COL6A3: variants seen among roughly 807,000 people sequenced by gnomAD.
COL6A3 encodes the protein collagen alpha-3(VI) chain.
COL6A3 carries 137 observed loss-of-function variants against 274.1 expected under a neutral mutation model. That is an observed-to-expected ratio of 0.50 (90% CI 0.44 to 0.58). COL6A3 has a LOEUF of 0.58. Among genes scored for constraint, COL6A3 ranks in the 20% least tolerant of loss-of-function variants. The pLI is 0.00. For missense variants in COL6A3, 3,950 were observed against 4,124.9 expected, an observed-to-expected ratio of 0.96 and a Z score of 1.16; for synonymous variants, 1,650 against 1,650.6, an observed-to-expected ratio of 1.00 and a Z score of 0.01.
rs769124771 is a variant in COL6A3 at position 237,340,660 on chromosome 2, C to T, written c.8256G>A (p.Leu2752=). 10 of 1,614,136 alleles carry T rather than the reference C, an allele frequency of 6.2e-6. No homozygotes were observed. Among genetic ancestry groups the T allele is most frequent in the Non-Finnish European group, 8.5e-6 (10 of 1,180,050 alleles). Residue 2752 remains leucine, a synonymous_variant, in exon 38 of 44, where the codon CTG becomes CTA. Coordinates refer to ENST00000295550, the MANE Select transcript of COL6A3 (RefSeq NM_004369.4). ...MLTGEVPEQQ[L]EEAQRVILQA... ...GCAGGATGACTCTCTGGGCCTCCTC[C>T]AGCTGCTGCTCCGGCACCTCGCCCG... is the stretch of plus-strand genomic sequence containing the variant.
rs753312576 is a variant in COL6A3, at chr2:237,394,758, C to T, written c.538G>A (p.Ala180Thr). The change falls in exon 3 of 44, where the codon GCA (alanine) becomes ACA (threonine). Residue 180 changes from alanine to threonine, a missense_variant. By Grantham distance (58) the Ala-to-Thr change is moderately conservative (BLOSUM62 0). Around this residue, in one of 5 missense-constraint regions of COL6A3, gnomAD observed 1,934 missense variants for 1,984.3 expected, o/e 0.97. Transcript: ENST00000295550. ...VNVFAIGVED[A>T]DEGALKEIAS... ...ATTTCTTTTAACGCTCCTTCATCTGCATCCTCAACTCCAATTGCAAACACG... is the reference window on the plus strand; with the variant it reads ...ATTTCTTTTAACGCTCCTTCATCTGTATCCTCAACTCCAATTGCAAACACG... The T allele has an allele frequency of 1.2e-6, 2 of 1,614,238 alleles. No homozygotes were observed. Among genetic ancestry groups the T allele is most frequent in the South Asian group, 1.1e-5 (1 of 91,088 alleles).
rs367727208 is a variant in COL6A3, at chr2:237,354,939, G to A, written c.6592-5C>T. 1.2e-6 allele frequency: 2 copies of A among 1,613,500 alleles called. No individual in the cohort carries two copies. The highest frequency in any genetic ancestry group is 8.5e-7 in the Non-Finnish European group (1 of 1,179,790). On this transcript the variant is annotated splice_polypyrimidine_tract_variant and splice_region_variant and intron_variant, in intron 23 of 43. Transcript: ENST00000295550. ...TCCCCTTCGGCCAAAGCCACCCTGTGGAAGAAAAAGTCCCACAAACTGTGA... is the reference window on the plus strand; with the variant it reads ...TCCCCTTCGGCCAAAGCCACCCTGTAGAAGAAAAAGTCCCACAAACTGTGA...
Position 237,324,582 on chromosome 2 carries a change from C to T in COL6A3, c.*192G>A, listed in dbSNP as rs759916325. On this transcript the variant is annotated 3_prime_UTR_variant, in exon 44 of 44. Transcript: ENST00000295550. The stretch of plus-strand genomic sequence containing the variant: ...GAGAGAACTGCCTGGAGACAGAGAG[C>T]GAGGGTCCACAGACACATTAGCACC... 5.1e-5 allele frequency: 31 copies of T among 604,082 alleles called. No homozygotes were observed. Among genetic ancestry groups the T allele is most frequent in the East Asian group, 3.8e-4 (13 of 34,036 alleles). The allele number at this position is 604,082 out of a possible 1,614,324, so 37.4% of individuals were successfully genotyped here. A position where few individuals can be genotyped will look rare whatever the true frequency, so the allele number is the denominator to read the frequency against.
At position 237,394,940 on chromosome 2, in the gene COL6A3, C is replaced by T. The variant is rs763755907; in HGVS notation, c.356G>A (p.Gly119Glu). 20 of 1,614,004 alleles carry T rather than the reference C, an allele frequency of 1.2e-5. No individual in the cohort carries two copies. The highest frequency in any genetic ancestry group is 1.6e-5 in the Non-Finnish European group (19 of 1,179,946). The change falls in exon 3 of 44, where the codon GGA becomes GAA. Residue 119 changes from glycine (G) to glutamate (E), a missense_variant. By Grantham distance (98) the Gly-to-Glu change is moderately conservative (BLOSUM62 -2). Coordinates refer to ENST00000295550, the MANE Select transcript of COL6A3 (RefSeq NM_004369.4). Reference protein sequence around the residue: ...MSYIGGTNQTGKGLEYIMQSH... With the variant: ...MSYIGGTNQTEKGLEYIMQSH... ...TTGCATTATGTATTCTAATCCTTTT[C>T]CAGTCTGATTGGTTCCCCCAATATA...
chr2:237,343,228 G>A (rs1309191572), intron 36 of COL6A3: 2 of 151,936 alleles, frequency 1.3e-5, no homozygotes, highest in Non-Finnish European at 2.9e-5. Context: ...TGGGTGCGGT[G>A]GCTTACGCCT....
At position 237,368,189 on chromosome 2, in the gene COL6A3, G is replaced by T. The variant is rs1250824536; in HGVS notation, c.4900+374C>A. ...ATGGTCCCACCAGGCCAAGGAATGA[G>T]GGGACCTGGACTATATTGGGCATCT... is the stretch of plus-strand genomic sequence containing the variant. On this transcript the variant is annotated intron_variant, in intron 10 of 43. Coordinates refer to ENST00000295550, the MANE Select transcript of COL6A3 (RefSeq NM_004369.4). This position sits in a 1 kb window ranked among gnomAD's most constrained non-coding sequence, Gnocchi z 4.4. Among the ~76,000 whole-genome samples the T allele has an allele frequency of 1.3e-5, 2 of 152,236 alleles. No individual in the cohort carries two copies. The highest frequency in any genetic ancestry group is 2.9e-5 in the Non-Finnish European group (2 of 68,046).
At chr2:237,362,320 T>C (rs754671538) in intron 14 of COL6A3, among the ~76,000 whole-genome samples, 2 of 152,144 alleles carry the variant, frequency 1.3e-5, no homozygotes, top group Non-Finnish European at 2.9e-5. Context: ...AGAGCAGCCA[T>C]GGTGGGAGCA....
At chr2:237,405,853 A>G (rs1466172719) in intron 1 of COL6A3, among the ~76,000 whole-genome samples, 2 of 152,116 alleles carry the variant, frequency 1.3e-5, no homozygotes, top group South Asian at 2.1e-4. Context: ...TTCTATGTCA[A>G]TGGAAGTCGG....
intron 1 of COL6A3, among the ~76,000 whole-genome samples, chr2:237,399,157 G>A (rs1054180032): frequency 2.0e-5 from 3 of 152,142 alleles, no homozygotes; most frequent in African/African-American, 4.8e-5. Flanking sequence ...AAAACCCCAC[G>A]ATTCCATAGC....
Position 237,360,074 on chromosome 2 carries a change from C to T in COL6A3, c.6282+14G>A. 1 of 1,613,982 alleles carries T rather than the reference C, an allele frequency of 6.2e-7. No homozygotes were observed. Among genetic ancestry groups the T allele is most frequent in the Non-Finnish European group, 8.5e-7 (1 of 1,179,906 alleles). ...CCCCTCCCCACGCTAGCAACCCCATCACCCACGCCTCACCTTTACTCCTCT... is the reference window on the plus strand; with the variant it reads ...CCCCTCCCCACGCTAGCAACCCCATTACCCACGCCTCACCTTTACTCCTCT... On this transcript the variant is annotated intron_variant, in intron 17 of 43. Transcript: ENST00000295550.
chr2:237,362,859 T>C (rs1346630108), intron 14 of COL6A3, among the ~76,000 whole-genome samples: 1 of 152,200 alleles, frequency 6.6e-6, no homozygotes, highest in East Asian at 1.9e-4. Context: ...ACAGCCTTTC[T>C]TTTCCTGCAT....
intron 3 of COL6A3, among the ~76,000 whole-genome samples, chr2:237,391,665 C>T (rs899411715): frequency 2.0e-5 from 3 of 152,074 alleles, no homozygotes; most frequent in African/African-American, 7.2e-5. Flanking sequence ...CCCGGGATTA[C>T]AGACGCCCAC....
intron 2 of COL6A3, among the ~76,000 whole-genome samples, chr2:237,396,421 C>T (rs2078442681): frequency 6.6e-6 from 1 of 152,106 alleles, no homozygotes; most frequent in African/African-American, 2.4e-5. Context: ...GTGGAAAGTC[C>T]CTTCAGGTGG....
rs886055809 is a variant in COL6A3 at position 237,378,880 on chromosome 2, T to A, written c.2253A>T (p.Thr751=). The change falls in exon 6 of 44, where the codon ACA becomes ACT. Residue 751 remains threonine, a synonymous_variant. Coordinates refer to ENST00000295550, the MANE Select transcript of COL6A3 (RefSeq NM_004369.4). ...EHVPQLLLLL[T]AGQSEDSYLQ... Reference sequence around the variant, plus strand: ...AATAGGAGTCCTCAGACTGCCCAGCTGTGAGCAGAAGCAGGAGCTGCGGCA... The same window carrying A: ...AATAGGAGTCCTCAGACTGCCCAGCAGTGAGCAGAAGCAGGAGCTGCGGCA... The A allele has an allele frequency of 6.2e-7, 1 of 1,614,240 alleles. No individual in the cohort carries two copies. Among genetic ancestry groups the A allele is most frequent in the Admixed American group, 1.7e-5 (1 of 60,032 alleles).
chr2:237,404,415 G>A (rs192935348), intron 1 of COL6A3, among the ~76,000 whole-genome samples: 5 of 152,126 alleles, frequency 3.3e-5, no homozygotes, highest in Non-Finnish European at 4.4e-5. Flanking sequence ...GATCCAGTTC[G>A]ATTACTTTAA....
At chr2:237,412,916 G>T (rs2078891944) in intron 1 of COL6A3, among the ~76,000 whole-genome samples, 1 of 152,122 alleles carries the variant, frequency 6.6e-6, no homozygotes, top group African/African-American at 2.4e-5. Context: ...TTGCTCCTGG[G>T]GTCTGCACCG....
intron 2 of COL6A3, 131 bp downstream of exon 2, chr2:237,396,596 A>G (rs2078446993): frequency 1.1e-6 from 1 of 888,210 alleles, no homozygotes; most frequent in Non-Finnish European, 1.9e-6. Context: ...ATCCTATCTG[A>G]CTATCCTATA....
intron 43 of COL6A3, among the ~76,000 whole-genome samples, chr2:237,325,087 C>T (rs1209375805): frequency 1.3e-5 from 2 of 152,128 alleles, no homozygotes; most frequent in Non-Finnish European, 2.9e-5. Flanking sequence ...GAACTGAACT[C>T]TCCCCATTCT....
At chr2:237,350,458 T>C (rs2077182350) in intron 27 of COL6A3, among the ~76,000 whole-genome samples, 1 of 152,152 alleles carries the variant, frequency 6.6e-6, no homozygotes, top group African/African-American at 2.4e-5. Context: ...GAGTAACAAC[T>C]GGGAGAAGAA....
Sources: allele counts gnomAD v4.1 joint callset (sites outside exome capture counted in the v4.1 genomes callset), GRCh38; gene constraint gnomAD v4.1.1; regional missense constraint gnomAD v4.1.1; non-coding constraint Gnocchi (gnomAD v3.1); transcripts MANE v1.5; gene names NCBI Gene and HGNC (gene_info 2026-07-23, HGNC 2026-07-21).